The following PALM2AKAP2 variants were observed in gnomAD, a reference collection of about 807,000 sequenced individuals.
PALM2AKAP2 encodes the protein PALM2-AKAP2 fusion protein.
A neutral mutation model predicts 71.5 loss-of-function variants in PALM2AKAP2; 37 were observed. The ratio of observed to expected loss-of-function variants is 0.52; its 90% CI spans 0.40 to 0.68. The LOEUF (loss-of-function observed/expected upper bound fraction) is 0.68. Ranked by LOEUF, PALM2AKAP2 falls within the 30% of genes least tolerant of loss-of-function variation. PALM2AKAP2 has a pLI of 0.00. For synonymous variants in PALM2AKAP2, 468 were observed against 478.8 expected (o/e 0.98, Z 0.29); for missense variants, 1,224 against 1,191.8 (o/e 1.03, Z -0.40).
chr9:109,831,078 GA>G (rs1828286551), intron 1 of PALM2AKAP2, among the ~76,000 whole-genome samples: 1 of 151,796 alleles, frequency 6.6e-6, no homozygotes, highest in Non-Finnish European at 1.5e-5. Context: ...AATTGGAGGT[GA>G]GATTTTTAGT....
exon 4 of PALM2AKAP2, chr9:110,170,542 C>A (rs1249096703): frequency 6.6e-6 from 1 of 152,214 alleles, no homozygotes; most frequent in Non-Finnish European, 1.5e-5. Flanking sequence ...CTTGAAGCCA[C>A]ATCCTACAGA....
At chr9:109,875,516 A>G (rs1313151855) in intron 2 of PALM2AKAP2, among the ~76,000 whole-genome samples, 1 of 152,112 alleles carries the variant, frequency 6.6e-6, no homozygotes, top group African/African-American at 2.4e-5. Context: ...ACAGAAGGAG[A>G]GGATGGGGAG....
intron 1 of PALM2AKAP2, among the ~76,000 whole-genome samples, chr9:109,754,249 G>C (rs1205790402): frequency 1.3e-5 from 2 of 152,160 alleles, no homozygotes; most frequent in Non-Finnish European, 2.9e-5. Flanking sequence ...GATCACATTA[G>C]TTAGGAAATG....
chr9:110,016,345 A>G (rs1048222025), intron 7 of PALM2AKAP2, among the ~76,000 whole-genome samples: 2 of 152,204 alleles, frequency 1.3e-5, no homozygotes, highest in African/African-American at 4.8e-5. Context: ...TCTTCAGTGA[A>G]TATCTACACG....
At chr9:110,083,568 T>A (rs1045309287) in intron 1 of PALM2AKAP2, among the ~76,000 whole-genome samples, 5 of 152,214 alleles carry the variant, frequency 3.3e-5, no homozygotes, top group African/African-American at 4.8e-5. Context: ...GTTTTTTGTT[T>A]TTTGGTTTGG....
chr9:109,689,558 A>G (rs1209464808), intron 1 of PALM2AKAP2, among the ~76,000 whole-genome samples: 1 of 152,228 alleles, frequency 6.6e-6, no homozygotes, highest in Non-Finnish European at 1.5e-5. Flanking sequence ...GGTGTGATAT[A>G]TATTTTTAGG....
In PALM2AKAP2 at chr9:109,668,002, T is replaced by A. The variant is rs1288746099; in HGVS notation, c.5+27136T>A. Among the ~76,000 whole-genome samples the A allele has an allele frequency of 3.4e-5, 2 of 58,222 alleles. 1 individual carries two copies. Among genetic ancestry groups the A allele is most frequent in the Non-Finnish European group, 6.0e-5 (2 of 33,330 alleles). 38.2% of individuals were successfully genotyped at this position (58,222 alleles called of 152,430 possible). ...CCCAGGCTGGAGTGCAGTGGCGGGA[T>A]CTCGGCTCACTGCAAGCTCTGCCTC... On this transcript the variant is annotated intron_variant, in intron 1 of 6. Transcript: ENST00000374531.
chr9:110,004,399 A>G (rs10217688), intron 6 of PALM2AKAP2, among the ~76,000 whole-genome samples: 132,337 of 152,240 alleles, frequency 0.87, 57,877 homozygotes, highest in African/African-American at 0.97. Flanking sequence ...TGAGAGATCA[A>G]CTGTTAGTCT....
chr9:109,868,175 C>T (rs1344195059), intron 2 of PALM2AKAP2, among the ~76,000 whole-genome samples: 2 of 151,994 alleles, frequency 1.3e-5, no homozygotes, highest in Non-Finnish European at 2.9e-5. Flanking sequence ...CTCCATGGTA[C>T]CATCTAAAAA....
In PALM2AKAP2 at chr9:110,058,823, A is replaced by G. The variant is rs185776417; in HGVS notation, c.156+9968A>G. Among the ~76,000 whole-genome samples the G allele has an allele frequency of 5.3e-3, 791 of 149,830 alleles. 6 individuals carry two copies. Among genetic ancestry groups the G allele is most frequent in the Middle Eastern group, 0.032 (9 of 284 alleles). The stretch of plus-strand genomic sequence containing the variant: ...TTTTCTTCTCTTTCTTCCTTTTCTG[A>G]GCTGAACAGCAACCTGTATCAATAC... On this transcript the variant is annotated intron_variant, in intron 1 of 3. Transcript: ENST00000374525.
intron 1 of PALM2AKAP2, among the ~76,000 whole-genome samples, chr9:109,818,495 A>G (rs1827906521): frequency 6.6e-6 from 1 of 152,234 alleles, no homozygotes; most frequent in Non-Finnish European, 1.5e-5. Flanking sequence ...AAATTCATTT[A>G]GCTAAACATT....
intron 1 of PALM2AKAP2, among the ~76,000 whole-genome samples, chr9:109,706,144 C>G (rs1828140495): frequency 1.3e-5 from 2 of 152,082 alleles, no homozygotes; most frequent in African/African-American, 2.4e-5. Flanking sequence ...AAAAAACATG[C>G]CTGGAAAGCT....
At chr9:110,044,762 G>A (rs139164972), upstream of PALM2AKAP2, among the ~76,000 whole-genome samples, 236 of 151,296 alleles carry the variant, frequency 1.6e-3, 5 homozygotes, top group South Asian at 0.046. Context: ...TTGGTCTTTC[G>A]CCTTGCTAGG....
At chr9:109,688,172 C>T (rs765350340) in intron 1 of PALM2AKAP2, among the ~76,000 whole-genome samples, 10 of 152,278 alleles carry the variant, frequency 6.6e-5, no homozygotes, top group Admixed American at 3.9e-4. Flanking sequence ...CATAGAGACA[C>T]GAAGTGTGCA....
chr9:109,857,962 G>T (rs911500216), intron 1 of PALM2AKAP2, among the ~76,000 whole-genome samples: 10 of 152,216 alleles, frequency 6.6e-5, no homozygotes, highest in African/African-American at 2.4e-4. Context: ...CTGAATTGTT[G>T]TTGCATGAGT....
At chr9:109,640,878 C>A in intron 1 of PALM2AKAP2, 1 of 1,516,044 alleles carries the variant, frequency 6.6e-7, no homozygotes. Context: ...TGAGTATCCC[C>A]GAGCCGCGCC....
chr9:109,896,863 G>T (rs557956993), intron 3 of PALM2AKAP2, among the ~76,000 whole-genome samples: 1 of 152,250 alleles, frequency 6.6e-6, no homozygotes, highest in South Asian at 2.1e-4. Context: ...TTATGCAGAT[G>T]CTTCTCAGGC....
At chr9:110,035,615 T>G (rs1215770341) in intron 7 of PALM2AKAP2, among the ~76,000 whole-genome samples, 1 of 137,992 alleles carries the variant, frequency 7.2e-6, no homozygotes, top group African/African-American at 2.7e-5. Context: ...GTGTGTTATA[T>G]ATAACATATA....
chr9:109,649,962 G>A (rs1321149287), intron 1 of PALM2AKAP2, among the ~76,000 whole-genome samples: 2 of 152,200 alleles, frequency 1.3e-5, no homozygotes, highest in East Asian at 3.8e-4. Context: ...TGATGACTTG[G>A]TTTAGCATTT....
Sources: allele counts gnomAD v4.1 joint callset (sites outside exome capture counted in the v4.1 genomes callset), GRCh38; gene constraint gnomAD v4.1.1; transcripts MANE v1.5; gene names NCBI Gene and HGNC (gene_info 2026-07-23, HGNC 2026-07-21).